DNAH9: variants seen among roughly 807,000 people sequenced by gnomAD.
DNAH9 encodes DNAH9 variant protein.
DNAH9 carries 345 observed loss-of-function variants against 471.6 expected under a neutral mutation model. The observed-to-expected ratio is 0.73, with a 90% CI of 0.67 to 0.80. The LOEUF is 0.80. Ranked by LOEUF, DNAH9 falls within the 30% of genes least tolerant of loss-of-function variation. The pLI is 0.00. For missense variants in DNAH9, 5,407 were observed against 5,609.2 expected (o/e 0.96, Z 1.15); for synonymous variants, 2,093 against 2,123.6 (o/e 0.99, Z 0.40).
In DNAH9 at chr17:11,854,315, A is replaced by G; in HGVS notation, c.9820A>G (p.Arg3274Gly). 4 of 1,614,046 alleles carry G rather than the reference A, an allele frequency of 2.5e-6. No homozygotes were observed. Among genetic ancestry groups the G allele is most frequent in the Non-Finnish European group, 3.4e-6 (4 of 1,180,018 alleles). ...CTGCTCCTGGGTCATCAATATTGTG[A>G]GATTTTATGAGGTGTTCTGTGATGT... The part of the protein sequence containing the change: ...GLCSWVINIV[R>G]FYEVFCDVEP... Residue 3274 changes from arginine to glycine, a missense_variant, in exon 50 of 69, where the codon AGA (arginine) becomes GGA (glycine). Physicochemically the swap from Arg to Gly is moderately radical, Grantham distance 125. Around this residue, in one of 3 missense-constraint regions of DNAH9, gnomAD observed 4,636 missense variants for 4,900.3 expected, o/e 0.95. Coordinates refer to ENST00000262442, the MANE Select transcript of DNAH9 (RefSeq NM_001372.4).
intron 38 of DNAH9, among the ~76,000 whole-genome samples, chr17:11,771,144 G>C (rs1275022121): frequency 2.0e-5 from 3 of 151,908 alleles, no homozygotes; most frequent in Admixed American, 6.6e-5. Flanking sequence ...ATTTATTTTT[G>C]AGATGGAGTT....
chr17:11,656,556 T>C (rs75382683), intron 14 of DNAH9, among the ~76,000 whole-genome samples: 6 of 152,218 alleles, frequency 3.9e-5, no homozygotes, highest in Non-Finnish European at 8.8e-5. Context: ...CTCATCCCAC[T>C]GTTGGATATT....
chr17:11,689,562 G>A lies in DNAH9; in HGVS notation c.3744-4G>A, dbSNP rs760423221. ...CTTACAAAGGAACACACTGTGTTTT[G>A]TAGGTTTGATAGCATCCACCCTCAT... On this transcript the variant is annotated splice_polypyrimidine_tract_variant and splice_region_variant and intron_variant, in intron 19 of 68. Coordinates refer to ENST00000262442, the MANE Select transcript of DNAH9 (RefSeq NM_001372.4). 4 of 1,607,180 alleles carry A rather than the reference G, an allele frequency of 2.5e-6. No individual in the cohort carries two copies. The highest frequency in any genetic ancestry group is 4.5e-5 in the East Asian group (2 of 44,848).
At chr17:11,637,153 T>C (rs150096038) in intron 9 of DNAH9, among the ~76,000 whole-genome samples, 2 of 152,336 alleles carry the variant, frequency 1.3e-5, no homozygotes, top group African/African-American at 4.8e-5. Context: ...AAGTTTCTTA[T>C]GCCTTCCAAT....
chr17:11,746,795 C>T (rs1304220669), intron 31 of DNAH9, among the ~76,000 whole-genome samples: 1 of 152,202 alleles, frequency 6.6e-6, no homozygotes, highest in Non-Finnish European at 1.5e-5. Context: ...GATTTCAAGA[C>T]TAGAATTCTA....
At chr17:11,865,842 A>G (rs1297224804) in intron 50 of DNAH9, among the ~76,000 whole-genome samples, 2 of 152,112 alleles carry the variant, frequency 1.3e-5, no homozygotes, top group Non-Finnish European at 2.9e-5. Flanking sequence ...TTCTTCATGT[A>G]GTTCTCGTGC....
intron 31 of DNAH9, among the ~76,000 whole-genome samples, chr17:11,745,413 C>A (rs1293143341): frequency 1.3e-5 from 2 of 152,154 alleles, no homozygotes; most frequent in Admixed American, 1.3e-4. Context: ...ATCTACAGAA[C>A]CTCCACTCAA....
intron 64 of DNAH9, among the ~76,000 whole-genome samples, chr17:11,933,675 C>T (rs1437773021): frequency 5.3e-5 from 8 of 152,124 alleles, no homozygotes; most frequent in African/African-American, 9.7e-5. Flanking sequence ...CCACCGCGCC[C>T]GGCCTTCTTC....
In DNAH9 at chr17:11,784,472, C is replaced by T; in HGVS notation, c.7994C>T (p.Thr2665Ile). 1.9e-6 allele frequency: 3 copies of T among 1,614,236 alleles called. No individual in the cohort carries two copies. The highest frequency in any genetic ancestry group is 2.5e-6 in the Non-Finnish European group (3 of 1,180,040). ...ALAFHQKIATTFLPTGIKFHY... is the reference protein window; with the variant it reads ...ALAFHQKIATIFLPTGIKFHY... The stretch of plus-strand genomic sequence containing the variant: ...GCCTTCCACCAGAAAATTGCTACCA[C>T]CTTCCTACCCACAGGAATCAAATTC... The change falls in exon 41 of 69, where the codon ACC becomes ATC. Residue 2665 changes from threonine (T) to isoleucine (I), a missense_variant. This residue lies in a region of DNAH9 where 4,636 missense variants were observed against 4,900.3 expected (regional missense o/e 0.95). Transcript: ENST00000262442.
chr17:11,838,898 C>G (rs368037200), intron 49 of DNAH9, among the ~76,000 whole-genome samples: 1 of 152,174 alleles, frequency 6.6e-6, no homozygotes, highest in Non-Finnish European at 1.5e-5. Flanking sequence ...AGGACCATTT[C>G]TCTGTTTTCT....
intron 50 of DNAH9, among the ~76,000 whole-genome samples, chr17:11,856,248 C>G (rs763086184): frequency 3.9e-5 from 6 of 152,116 alleles, no homozygotes; most frequent in Admixed American, 2.0e-4. Context: ...ATTCTTGCTA[C>G]AAATTTGTCA....
intron 61 of DNAH9, among the ~76,000 whole-genome samples, chr17:11,909,611 A>G (rs752642166): frequency 6.6e-6 from 1 of 152,162 alleles, no homozygotes; most frequent in Non-Finnish European, 1.5e-5. Context: ...AATGTAAGGA[A>G]TAAAAATCTT....
At chr17:11,856,860 A>G (rs1971645265) in intron 50 of DNAH9, among the ~76,000 whole-genome samples, 1 of 152,176 alleles carries the variant, frequency 6.6e-6, no homozygotes, top group African/African-American at 2.4e-5. Context: ...ACACCGTCAC[A>G]TCCCCATTCC....
At position 11,694,410 on chromosome 17, in the gene DNAH9, T is replaced by C. The variant is rs780781370; in HGVS notation, c.4835T>C (p.Leu1612Pro). 12 of 1,613,360 alleles carry C rather than the reference T, an allele frequency of 7.4e-6. No individual in the cohort carries two copies. The highest frequency in any genetic ancestry group is 1.0e-5 in the Non-Finnish European group (12 of 1,179,878). The change falls in exon 22 of 69, where the codon CTG becomes CCG. Residue 1612 changes from leucine (L) to proline (P), a missense_variant. Physicochemically the swap from Leu to Pro is moderately conservative, Grantham distance 98. Coordinates refer to ENST00000262442, the MANE Select transcript of DNAH9 (RefSeq NM_001372.4). ...TTTTACTTTCTCTCCTCCTCCGATC[T>C]GTTAGACATCCTTTCCAACGGCACA... Reference protein sequence around the residue: ...PRFYFLSSSDLLDILSNGTAP... With the variant: ...PRFYFLSSSDPLDILSNGTAP...
intron 46 of DNAH9, 152 bp downstream of exon 46, chr17:11,822,214 C>A: frequency 9.6e-7 from 1 of 1,045,936 alleles, no homozygotes; most frequent in Non-Finnish European, 1.4e-6. Flanking sequence ...GTTGCCAGGA[C>A]ACCCTTCTCA....
Position 11,598,570 on chromosome 17 carries a change from A to T in DNAH9, c.72A>T (p.Arg24=). The T allele has an allele frequency of 7.1e-7, 1 of 1,405,414 alleles. No individual in the cohort carries two copies. The highest frequency in any genetic ancestry group is 3.3e-5 in the Admixed American group (1 of 30,284). The allele number at this position is 1,405,414 out of a possible 1,614,324, so 87.1% of individuals were successfully genotyped here. A position where few individuals can be genotyped will look rare whatever the true frequency, so the allele number is the denominator to read the frequency against. ...ATGGGGAACCCGGCGCCGACCGACGACTGCGACTCCTGGGGACCTACGTGG... is the reference window on the plus strand; with the variant it reads ...ATGGGGAACCCGGCGCCGACCGACGTCTGCGACTCCTGGGGACCTACGTGG... The part of the protein sequence containing the change: ...NADGEPGADR[R]LRLLGTYVAM... Residue 24 remains arginine (R), a synonymous_variant, in exon 1 of 69, where the codon CGA becomes CGT. Transcript: ENST00000262442.
intron 65 of DNAH9, among the ~76,000 whole-genome samples, chr17:11,936,640 T>TCA (rs1310242323): frequency 2.6e-5 from 4 of 151,972 alleles, no homozygotes; most frequent in African/African-American, 7.3e-5. Context: ...AGAGCCTGTC[T>TCA]CACACACACA....
chr17:11,871,981 C>T (rs1474001745), intron 52 of DNAH9, among the ~76,000 whole-genome samples, 195 bp downstream of exon 52: 1 of 152,114 alleles, frequency 6.6e-6, no homozygotes, highest in African/African-American at 2.4e-5. Flanking sequence ...CTCCAGGCCA[C>T]CTGGGGGCAG....
intron 6 of DNAH9, among the ~76,000 whole-genome samples, chr17:11,627,534 C>T (rs554333180): frequency 1.9e-4 from 29 of 152,184 alleles, no homozygotes; most frequent in Non-Finnish European, 3.5e-4. Context: ...CAACTAAGCA[C>T]TTTACGAGAG....
Sources: gnomAD v4.1 joint callset for allele counts (sites outside exome capture counted in the v4.1 genomes callset) on GRCh38, gnomAD v4.1.1 for gene constraint, gnomAD v4.1.1 regional missense constraint, MANE v1.5 for transcripts, NCBI Gene and HGNC (gene_info 2026-07-23, HGNC 2026-07-21) for gene names.